FRMPD1: variants seen among roughly 807,000 people sequenced by gnomAD.
FRMPD1 encodes the protein FERM and PDZ domain containing 1, also known as FERM and PDZ domain-containing protein 1.
A neutral mutation model predicts 117.8 loss-of-function variants in FRMPD1; 76 were observed. The ratio of observed to expected loss-of-function variants is 0.65; its 90% CI spans 0.54 to 0.78. The LOEUF is 0.78. Ranked by LOEUF, FRMPD1 falls within the 30% of genes least tolerant of loss-of-function variation. The pLI is 0.00. For missense variants in FRMPD1, 1,786 were observed against 1,964.5 expected, an observed-to-expected ratio of 0.91 and a Z score of 1.72; for synonymous variants, 783 against 770.4, an observed-to-expected ratio of 1.02 and a Z score of -0.27.
At position 37,733,788 on chromosome 9, in the gene FRMPD1, A is replaced by G. The variant is rs747532862; in HGVS notation, c.1181A>G (p.Lys394Arg). The change falls in exon 12 of 16, where the codon AAG becomes AGG. Residue 394 changes from lysine (K) to arginine (R), a missense_variant. Physicochemically the swap from Lys to Arg is conservative, Grantham distance 26 (BLOSUM62 2). Coordinates refer to ENST00000377765, the MANE Select transcript of FRMPD1 (RefSeq NM_014907.3). ...LNYLQILGEL[K>R]TYGGRIFNAT... ...TATCTACAGATCCTCGGAGAACTCA[A>G]GACATATGGTGGAAGAATCTTTAAT... The G allele has an allele frequency of 6.2e-7, 1 of 1,603,278 alleles. No individual in the cohort carries two copies. Among genetic ancestry groups the G allele is most frequent in the African/African-American group, 1.3e-5 (1 of 74,766 alleles).
At chr9:37,621,895 G>A in the FRMPD1 span, among the ~76,000 whole-genome samples, 1 of 152,090 alleles carries the variant, frequency 6.6e-6, no homozygotes, top group African/African-American at 2.4e-5. Context: ...TCAGGTTAAG[G>A]GGTCCTCAAG....
chr9:37,686,372 G>T (rs753165448), intron 1 of FRMPD1, among the ~76,000 whole-genome samples: 6 of 152,236 alleles, frequency 3.9e-5, no homozygotes, highest in Non-Finnish European at 8.8e-5. Flanking sequence ...GGGTCCAACA[G>T]GGAATGACAG....
chr9:37,699,597 G>A (rs1222088008), intron 2 of FRMPD1, among the ~76,000 whole-genome samples: 4 of 152,082 alleles, frequency 2.6e-5, no homozygotes, highest in Non-Finnish European at 2.9e-5. Flanking sequence ...TAGGATTACA[G>A]GCATGAGCCA....
chr9:37,715,895 C>T lies in FRMPD1; in HGVS notation c.409-3174C>T, dbSNP rs555524999. 1.6e-4 allele frequency among the ~76,000 whole-genome samples: 24 copies of T among 152,190 alleles called. No individual in the cohort carries two copies. The East Asian group carries it at 3.7e-3, about 23-fold the overall frequency. On this transcript the variant is annotated intron_variant, in intron 5 of 15. Coordinates refer to ENST00000377765, the MANE Select transcript of FRMPD1 (RefSeq NM_014907.3). ...TCCCTGTGACTCCCACCAAGTAGCT[C>T]GGAGCAAGTCCACTTTGTATGAAAT...
chr9:37,673,579 C>A (rs1468209699), intron 1 of FRMPD1, among the ~76,000 whole-genome samples: 4 of 152,238 alleles, frequency 2.6e-5, no homozygotes, highest in Non-Finnish European at 5.9e-5. Flanking sequence ...GGGGCTCCCA[C>A]CCCACATTTC....
chr9:37,723,413 T>C (rs1823481961), intron 6 of FRMPD1, among the ~76,000 whole-genome samples: 1 of 152,142 alleles, frequency 6.6e-6, no homozygotes, highest in Non-Finnish European at 1.5e-5. Flanking sequence ...GGGTATCCCT[T>C]GACAAAGCAT....
At chr9:37,685,407 G>A (rs546285292) in intron 1 of FRMPD1, among the ~76,000 whole-genome samples, 1 of 152,218 alleles carries the variant, frequency 6.6e-6, no homozygotes, top group East Asian at 1.9e-4. Flanking sequence ...ACTTTGGGAG[G>A]CCAAGGCGGG....
In FRMPD1 at chr9:37,746,350, TGG is replaced by T; in HGVS notation, c.4323_4324del (p.Val1442TrpfsTer50). On this transcript the variant is annotated frameshift_variant, in exon 16 of 16. Transcript: ENST00000377765. LOFTEE classifies it high-confidence loss of function. ...GCTACAAGACATTTTAGAAACTTCCTGGGGGGTTGGAAACAAACATCCCCCAG... is the reference window on the plus strand; with the variant it reads ...GCTACAAGACATTTTAGAAACTTCCTGGGGTTGGAAACAAACATCCCCCAG... Reference protein sequence around the residue: ...LELQDILETSWGVGNKHPPEK... With the variant: ...LELQDILETSXGVGNKHPPEK... The T allele has an allele frequency of 6.2e-7, 1 of 1,612,600 alleles. No individual in the cohort carries two copies. Among genetic ancestry groups the T allele is most frequent in the East Asian group, 2.2e-5 (1 of 44,856 alleles).
intron 5 of FRMPD1, among the ~76,000 whole-genome samples, chr9:37,715,365 C>A (rs1465487130): frequency 6.6e-6 from 1 of 152,172 alleles, no homozygotes; most frequent in African/African-American, 2.4e-5. Context: ...AGGTAGACTC[C>A]GGAACCCACA....
intron 1 of FRMPD1, among the ~76,000 whole-genome samples, chr9:37,683,206 C>A (rs941298113): frequency 5.3e-5 from 8 of 152,216 alleles, no homozygotes; most frequent in Non-Finnish European, 7.3e-5. Flanking sequence ...TTCATCCATG[C>A]TGTACCATGC....
intron 13 of FRMPD1, among the ~76,000 whole-genome samples, chr9:37,736,394 G>A (rs1211510849): frequency 6.6e-6 from 1 of 151,782 alleles, no homozygotes; most frequent in African/African-American, 2.4e-5. Flanking sequence ...GGCCCGGTGT[G>A]GTGGCTCACG....
chr9:37,672,161 C>A (rs1300100069), intron 1 of FRMPD1, among the ~76,000 whole-genome samples: 1 of 152,156 alleles, frequency 6.6e-6, no homozygotes, highest in Non-Finnish European at 1.5e-5. Flanking sequence ...ATACTAAAAA[C>A]CATTGACTTG....
chr9:37,677,863 T>C (rs1025112317), intron 1 of FRMPD1, among the ~76,000 whole-genome samples: 2 of 152,190 alleles, frequency 1.3e-5, no homozygotes, highest in Non-Finnish European at 2.9e-5. Context: ...TGAATTCTGA[T>C]TAGGTGTGTA....
At chr9:37,614,315 A>C in the FRMPD1 span, among the ~76,000 whole-genome samples, 2 of 152,242 alleles carry the variant, frequency 1.3e-5, no homozygotes, top group Admixed American at 1.3e-4. Context: ...TGCAGAGTGC[A>C]TATAGGGAAG....
intron 5 of FRMPD1, 104 bp from the exon 6 acceptor site, chr9:37,718,965 C>T (rs1823270764): frequency 2.8e-6 from 2 of 704,048 alleles, no homozygotes; most frequent in East Asian, 5.4e-5. Flanking sequence ...TAAATTGAAT[C>T]TGCAACAGCT....
the FRMPD1 span, among the ~76,000 whole-genome samples, chr9:37,637,967 T>TTGCTTGCTTG: frequency 4.3e-4 from 24 of 55,528 alleles, 5 homozygotes; most frequent in Non-Finnish European, 6.9e-4. Flanking sequence ...GTGTATGCTT[T>TTGCTTGCTTG]CTTTCTTTCT....
At chr9:37,608,767 A>G in the FRMPD1 span, among the ~76,000 whole-genome samples, 1 of 152,242 alleles carries the variant, frequency 6.6e-6, no homozygotes, top group Non-Finnish European at 1.5e-5. Flanking sequence ...TTAAATTTCA[A>G]TAAGAATAAT....
intron 1 of FRMPD1, among the ~76,000 whole-genome samples, chr9:37,665,449 G>T (rs1821132886): frequency 6.6e-6 from 1 of 152,208 alleles, no homozygotes; most frequent in Non-Finnish European, 1.5e-5. Context: ...TTCCAGACAG[G>T]TGGTGTTTTC....
chr9:37,745,594 C>A lies in FRMPD1; in HGVS notation c.3562C>A (p.Pro1188Thr), dbSNP rs1054687590. The change falls in exon 16 of 16, where the codon CCC (proline) becomes ACC (threonine). Residue 1188 changes from proline to threonine, a missense_variant. Pro to Thr is a conservative substitution (Grantham distance 38). Coordinates refer to ENST00000377765, the MANE Select transcript of FRMPD1 (RefSeq NM_014907.3). ...PRDPQGQSRE[P>T]PGQGCQAQEQ... Reference sequence around the variant, plus strand: ...AGACCCTCAAGGACAGAGCAGAGAACCCCCAGGGCAAGGCTGCCAGGCTCA... The same window carrying A: ...AGACCCTCAAGGACAGAGCAGAGAAACCCCAGGGCAAGGCTGCCAGGCTCA... 2 of 1,613,956 alleles carry A rather than the reference C, an allele frequency of 1.2e-6. No individual in the cohort carries two copies. Among genetic ancestry groups the A allele is most frequent in the Admixed American group, 3.3e-5 (2 of 60,002 alleles).
Sources: gnomAD v4.1 joint callset for allele counts (sites outside exome capture counted in the v4.1 genomes callset) on GRCh38, gnomAD v4.1.1 for gene constraint, MANE v1.5 for transcripts, NCBI Gene and HGNC (gene_info 2026-07-23, HGNC 2026-07-21) for gene names.